The following NCOA2 variants were observed in gnomAD, a reference collection of about 807,000 sequenced individuals.
NCOA2 encodes class E basic helix-loop-helix protein 75.
A neutral mutation model predicts 145.1 loss-of-function variants in NCOA2; 21 were observed. The ratio of observed to expected loss-of-function variants is 0.14; its 90% CI spans 0.10 to 0.21. NCOA2 has a LOEUF of 0.21. NCOA2 is among the 10% of genes least tolerant of loss of function. The pLI is 1.00. For missense variants in NCOA2, 1,472 were observed against 1,837.6 expected (o/e 0.80, Z 3.64); for synonymous variants, 619 against 637.5 (o/e 0.97, Z 0.44).
chr8:70,169,115 T>G (rs1813951670), intron 6 of NCOA2, among the ~76,000 whole-genome samples: 1 of 152,200 alleles, frequency 6.6e-6, no homozygotes, highest in Admixed American at 6.5e-5. Context: ...CTTCAATCCG[T>G]GAAGATGTTC....
chr8:70,334,137 C>T (rs1188976993), intron 1 of NCOA2, among the ~76,000 whole-genome samples: 3 of 152,172 alleles, frequency 2.0e-5, no homozygotes, highest in African/African-American at 7.2e-5. Flanking sequence ...CAAATTTTAA[C>T]CCCTATGCCT....
chr8:70,161,501 T>A (rs1438443565), intron 9 of NCOA2, among the ~76,000 whole-genome samples: 2 of 152,030 alleles, frequency 1.3e-5, no homozygotes, highest in African/African-American at 2.4e-5. Flanking sequence ...ATAGGATGAA[T>A]AGGATGAAAA....
Position 70,354,011 on chromosome 8 carries a change from T to C in NCOA2, c.-77+49689A>G, listed in dbSNP as rs58402736. On this transcript the variant is annotated intron_variant, in intron 1 of 22. Transcript: ENST00000452400. ...ACCTTAGCTCTGGAATCCATCAGAG[T>C]TGTAACTATCAAATGAAACCATTTC... Among the ~76,000 whole-genome samples the C allele has an allele frequency of 6.8e-3, 1,027 of 151,942 alleles. 12 individuals carry two copies. The highest frequency in any genetic ancestry group is 0.024 in the Middle Eastern group (7 of 292).
intron 2 of NCOA2, among the ~76,000 whole-genome samples, chr8:70,253,109 T>A (rs1823341769): frequency 6.6e-6 from 1 of 152,198 alleles, no homozygotes; most frequent in Admixed American, 6.5e-5. Context: ...AGATTATTTA[T>A]CCTTGTAAGG....
chr8:70,360,865 GAGA>G (rs1261629137), intron 1 of NCOA2, among the ~76,000 whole-genome samples: 1 of 150,132 alleles, frequency 6.7e-6, no homozygotes, highest in Non-Finnish European at 1.5e-5. Flanking sequence ...TTGAACCTGG[GAGA>G]AGGAGATTAC....
At chr8:70,438,969 G>A in the NCOA2 span, among the ~76,000 whole-genome samples, 2 of 152,124 alleles carry the variant, frequency 1.3e-5, no homozygotes, top group African/African-American at 2.4e-5. Flanking sequence ...TTGGGCTTCT[G>A]CCTAAGTCCT....
chr8:70,184,691 A>T (rs575649756), intron 4 of NCOA2, among the ~76,000 whole-genome samples: 1 of 152,330 alleles, frequency 6.6e-6, no homozygotes, highest in South Asian at 2.1e-4. Context: ...ATAAACGTGT[A>T]GAGAAAGACA....
At chr8:70,321,553 T>C (rs1013588868) in intron 1 of NCOA2, among the ~76,000 whole-genome samples, 2 of 152,008 alleles carry the variant, frequency 1.3e-5, no homozygotes, top group African/African-American at 2.4e-5. Flanking sequence ...AAAGAAATTA[T>C]TTATCCAAAG....
chr8:70,133,131 G>C (rs13256176), intron 15 of NCOA2, among the ~76,000 whole-genome samples: 1 of 151,226 alleles, frequency 6.6e-6, no homozygotes, highest in Non-Finnish European at 1.5e-5. Flanking sequence ...ACTGGGCTCA[G>C]GTGATCCTCT....
chr8:70,142,298 TAAA>T (rs1810530056), intron 13 of NCOA2, among the ~76,000 whole-genome samples: 1 of 152,194 alleles, frequency 6.6e-6, no homozygotes, highest in South Asian at 2.1e-4. Context: ...GATAAACAAC[TAAA>T]AATGGGGTAT....
intron 2 of NCOA2, among the ~76,000 whole-genome samples, chr8:70,249,416 G>C (rs1013683640): frequency 6.6e-6 from 1 of 152,116 alleles, no homozygotes; most frequent in African/African-American, 2.4e-5. Flanking sequence ...ACTTTTGCCC[G>C]AATACATATG....
At chr8:70,279,347 C>G (rs747598688) in intron 2 of NCOA2, among the ~76,000 whole-genome samples, 12 of 152,110 alleles carry the variant, frequency 7.9e-5, no homozygotes, top group Non-Finnish European at 1.5e-4. Flanking sequence ...TTTCTCATTA[C>G]CAGCGGATCT....
At chr8:70,436,139 A>G in the NCOA2 span, among the ~76,000 whole-genome samples, 1 of 152,236 alleles carries the variant, frequency 6.6e-6, no homozygotes, top group Admixed American at 6.5e-5. Flanking sequence ...AACAAATAAT[A>G]AAACTAGGTA....
At chr8:70,420,413 G>T in the NCOA2 span, among the ~76,000 whole-genome samples, 1 of 152,174 alleles carries the variant, frequency 6.6e-6, no homozygotes, top group African/African-American at 2.4e-5. Context: ...AGAAACACCA[G>T]TCCCCCAACC....
chr8:70,168,791 A>C (rs10504468), intron 6 of NCOA2, among the ~76,000 whole-genome samples: 2 of 152,364 alleles, frequency 1.3e-5, no homozygotes, highest in East Asian at 3.9e-4. Flanking sequence ...TAGTGAATTA[A>C]TAAGTAGAAG....
At chr8:70,189,658 T>A (rs1816470273) in intron 4 of NCOA2, among the ~76,000 whole-genome samples, 1 of 152,204 alleles carries the variant, frequency 6.6e-6, no homozygotes, top group Non-Finnish European at 1.5e-5. Context: ...TTTTCTTTTT[T>A]AAAAATACAT....
chr8:70,114,020 T>C (rs1253505885), intron 22 of NCOA2, among the ~76,000 whole-genome samples: 1 of 152,190 alleles, frequency 6.6e-6, no homozygotes, highest in African/African-American at 2.4e-5. Context: ...TTTGGCAGCA[T>C]CCGATCCAGA....
At chr8:70,229,334 T>C (rs181687857) in intron 2 of NCOA2, among the ~76,000 whole-genome samples, 102 of 152,254 alleles carry the variant, frequency 6.7e-4, no homozygotes, top group African/African-American at 2.3e-3. Flanking sequence ...TTAATTAACA[T>C]ACAAGACAAT....
intron 10 of NCOA2, among the ~76,000 whole-genome samples, chr8:70,158,127 C>A (rs1812495232): frequency 6.6e-6 from 1 of 152,214 alleles, no homozygotes; most frequent in South Asian, 2.1e-4. Flanking sequence ...AAATTTGCCA[C>A]ATCTGTAATC....
Sources: allele counts gnomAD v4.1 joint callset (sites outside exome capture counted in the v4.1 genomes callset), GRCh38; gene constraint gnomAD v4.1.1; transcripts MANE v1.5; gene names NCBI Gene and HGNC (gene_info 2026-07-23, HGNC 2026-07-21).